The following STS variants were observed in gnomAD, a reference collection of about 807,000 sequenced individuals.
STS encodes steroid sulfatase.
STS carries 7 observed loss-of-function variants against 26.8 expected under a neutral mutation model. The observed-to-expected ratio is 0.26, with a 90% confidence interval of 0.15 to 0.49. STS has a LOEUF of 0.49. STS is among the 20% of genes least tolerant of loss of function. The pLI is 0.98. For missense variants in STS, 434 were observed against 465.6 expected, an observed-to-expected ratio of 0.93 and a Z score of 0.63; for synonymous variants, 199 against 189.4, an observed-to-expected ratio of 1.05 and a Z score of -0.42.
chrX:7,312,125 T>A (rs767380153), intron 8 of STS, among the ~76,000 whole-genome samples: 6 of 112,180 alleles, frequency 5.3e-5, no homozygotes, highest in African/African-American at 1.9e-4. Context: ...TACAGTTTTC[T>A]CCTCCTCTCT....
At chrX:7,162,273 A>G (rs1933259349) in intron 1 of STS, among the ~76,000 whole-genome samples, 3 of 111,968 alleles carry the variant, frequency 2.7e-5, no homozygotes, top group Non-Finnish European at 5.6e-5. Flanking sequence ...GCAATGATGA[A>G]GCAGAAGTCC....
At chrX:7,161,579 ACT>A (rs1463084392) in intron 1 of STS, among the ~76,000 whole-genome samples, 33 of 111,225 alleles carry the variant, frequency 3.0e-4, no homozygotes, top group Non-Finnish European at 4.9e-4. Context: ...TTTCAAGTAA[ACT>A]CTCTGTTATC....
At chrX:7,258,009 G>GGGATGGAT (rs36138671) in intron 5 of STS, among the ~76,000 whole-genome samples, 39 of 100,593 alleles carry the variant, frequency 3.9e-4, no homozygotes, top group African/African-American at 1.4e-3. Flanking sequence ...TGAGATAGAT[G>GGGATGGAT]GGATGGATGG....
At chrX:7,326,586 T>A (rs1221261308) in intron 9 of STS, among the ~76,000 whole-genome samples, 1 of 112,278 alleles carries the variant, frequency 8.9e-6, no homozygotes, top group Non-Finnish European at 1.9e-5. Flanking sequence ...CTAAATGAAA[T>A]GTCTTTCTCT....
At chrX:7,319,877 ACAGT>A (rs1440045810) in intron 8 of STS, among the ~76,000 whole-genome samples, 3 of 103,132 alleles carry the variant, frequency 2.9e-5, no homozygotes, top group African/African-American at 7.1e-5. Context: ...TAAATAAGTG[ACAGT>A]CAGCACATAA....
intron 1 of STS, among the ~76,000 whole-genome samples, chrX:7,157,655 C>T (rs1202582324): frequency 9.0e-6 from 1 of 111,283 alleles, no homozygotes; most frequent in Non-Finnish European, 1.9e-5. Context: ...AGGCACCATG[C>T]CCTGGGACAT....
At chrX:7,299,034 TATATATTTATATATAAATAA>T (rs1245769824) in intron 7 of STS, among the ~76,000 whole-genome samples, 3 of 44,071 alleles carry the variant, frequency 6.8e-5, no homozygotes, top group Non-Finnish European at 1.5e-4. Flanking sequence ...ATATTTTATT[TATATATTTATATATAAATAA>T]ATATATTTAT....
intron 6 of STS, among the ~76,000 whole-genome samples, chrX:7,271,949 A>C (rs1327062960): frequency 9.1e-6 from 1 of 110,059 alleles, no homozygotes; most frequent in Non-Finnish European, 1.9e-5. Context: ...GTTTTGTGCT[A>C]ATTTTCTCTT....
At chrX:7,185,413 T>C (rs1933754164) in intron 1 of STS, among the ~76,000 whole-genome samples, 1 of 113,234 alleles carries the variant, frequency 8.8e-6, no homozygotes, top group Non-Finnish European at 1.9e-5. Context: ...TTTCAATAAA[T>C]CTTTATTTAG....
intron 1 of STS, among the ~76,000 whole-genome samples, chrX:7,160,547 G>A (rs1171332032): frequency 8.9e-6 from 1 of 112,097 alleles, no homozygotes; most frequent in Non-Finnish European, 1.9e-5. Context: ...AAGGAAATGA[G>A]CAAAGGAAGT....
intron 6 of STS, among the ~76,000 whole-genome samples, chrX:7,265,017 A>G (rs1052225558): frequency 1.4e-5 from 1 of 73,191 alleles, no homozygotes; most frequent in African/African-American, 5.5e-5. Flanking sequence ...ACCCCATTTT[A>G]TTCTGTTTTT....
At chrX:7,183,031 C>G (rs188677671) in intron 1 of STS, among the ~76,000 whole-genome samples, 1 of 111,990 alleles carries the variant, frequency 8.9e-6, no homozygotes, top group East Asian at 2.8e-4. Context: ...TGTGAAGACA[C>G]GCAGCACAAA....
chrX:7,247,354 T>G (rs1292310605), intron 2 of STS, among the ~76,000 whole-genome samples: 1 of 111,578 alleles, frequency 9.0e-6, no homozygotes, highest in African/African-American at 3.3e-5. Context: ...GAGAGGTGAT[T>G]GACTATGATT....
chrX:7,155,649 A>G (rs1933117400), intron 1 of STS, among the ~76,000 whole-genome samples: 1 of 112,063 alleles, frequency 8.9e-6, no homozygotes, highest in Non-Finnish European at 1.9e-5. Flanking sequence ...GTTAAATATT[A>G]TATTACAAAC....
At chrX:7,188,664 T>TG (rs748915662) in intron 1 of STS, among the ~76,000 whole-genome samples, 2 of 112,118 alleles carry the variant, frequency 1.8e-5, no homozygotes, top group East Asian at 5.6e-4. Context: ...CATTTCTCAC[T>TG]GGGGGGTTGG....
intron 2 of STS, chrX:7,252,165 T>G: frequency 6.0e-6 from 2 of 333,557 alleles, no homozygotes. Context: ...CCCAGGCAGA[T>G]GAGAAACAGA....
chrX:7,180,336 G>T (rs1418065905), intron 1 of STS, among the ~76,000 whole-genome samples: 5 of 111,958 alleles, frequency 4.5e-5, no homozygotes, highest in Admixed American at 3.8e-4. Context: ...ACACAACCTA[G>T]ATCCCTCACA....
intron 10 of STS, among the ~76,000 whole-genome samples, chrX:7,347,848 A>C (rs1928594825): frequency 8.9e-6 from 1 of 111,814 alleles, no homozygotes; most frequent in Non-Finnish European, 1.9e-5. Context: ...CCTGTCTCCA[A>C]AAAGGCTTCT....
chrX:7,259,380 C>G lies in STS; in HGVS notation c.414C>G (p.Ser138Arg). The G allele has an allele frequency of 8.3e-7, 1 of 1,211,411 alleles. No individual in the cohort carries two copies. Among genetic ancestry groups the G allele is most frequent in the Non-Finnish European group, 1.1e-6 (1 of 895,281 alleles). The change falls in exon 6 of 11, where the codon AGC becomes AGG. Residue 138 changes from serine (S) to arginine (R), a missense_variant. Ser to Arg is a moderately radical substitution (Grantham distance 110). This residue lies in a region of STS where 229 missense variants were observed against 288.3 expected (regional missense o/e 0.79). Coordinates refer to ENST00000674429, the MANE Select transcript of STS (RefSeq NM_001320752.2). ...GKWHLGMSCH[S>R]KTDFCHHPLH... is the part of the protein sequence containing the mutation. ...GGCACCTTGGGATGAGCTGTCACAG[C>G]AAGACTGACTTCTGTCACCACCCTT...
Sources: gnomAD v4.1 joint callset for allele counts (sites outside exome capture counted in the v4.1 genomes callset) on GRCh38, gnomAD v4.1.1 for gene constraint, gnomAD v4.1.1 regional missense constraint, MANE v1.5 for transcripts, NCBI Gene and HGNC (gene_info 2026-07-23, HGNC 2026-07-21) for gene names.